Variants in PCDHA5 observed in about 807,000 individuals in gnomAD.
PCDHA5 encodes the protein protocadherin alpha-5.
Under a neutral mutation model 61.6 loss-of-function variants are expected in PCDHA5, and 43 were observed. The observed-to-expected ratio is 0.70, with a 90% CI of 0.55 to 0.90. The LOEUF (loss-of-function observed/expected upper bound fraction) is 0.90, where lower values mean the gene tolerates loss of function less well. Ranked by LOEUF, PCDHA5 falls within the 40% of genes least tolerant of loss-of-function variation. The pLI is 0.00. For missense variants in PCDHA5, 1,298 were observed against 1,222.7 expected, an observed-to-expected ratio of 1.06 and a Z score of -0.92; for synonymous variants, 627 against 543.9, an observed-to-expected ratio of 1.15 and a Z score of -2.13.
At chr5:140,914,501 C>T (rs1231907689) in intron 1 of PCDHA5, among the ~76,000 whole-genome samples, 1 of 152,084 alleles carries the variant, frequency 6.6e-6, no homozygotes, top group African/African-American at 2.4e-5. Context: ...GGCAACAGAT[C>T]ATTGGGTCAT....
At chr5:140,872,131 A>G (rs2053496652) in intron 1 of PCDHA5, among the ~76,000 whole-genome samples, 1 of 152,148 alleles carries the variant, frequency 6.6e-6, no homozygotes, top group African/African-American at 2.4e-5. Context: ...TATCAAAGCT[A>G]GAATACTCCA....
At chr5:140,836,551 G>A in intron 1 of PCDHA5, 1 of 1,613,756 alleles carries the variant, frequency 6.2e-7, no homozygotes, top group South Asian at 1.1e-5. Context: ...GCGTTGCGGT[G>A]CTCAGCGCCG....
intron 1 of PCDHA5, among the ~76,000 whole-genome samples, chr5:140,948,075 T>C (rs1554218432): frequency 1.3e-5 from 2 of 151,684 alleles, no homozygotes; most frequent in Non-Finnish European, 3.0e-5. Flanking sequence ...AATTTTCTTT[T>C]AATCTATTGA....
At chr5:140,824,160 C>T (rs1554129772) in intron 1 of PCDHA5, 33 bp downstream of exon 1, 4 of 1,611,272 alleles carry the variant, frequency 2.5e-6, no homozygotes, top group African/African-American at 2.7e-5. Context: ...CCATCTTTCC[C>T]TCCCAATTTT....
rs782644238 is a variant in PCDHA5 at position 140,883,107 on chromosome 5, C to A, written c.2352+58980C>A. ...GGTACAAATGGAGATATAGTTTACT[C>A]ATTTAGAAGGCCTGTATGGCCTGCA... On this transcript the variant is annotated intron_variant, in intron 1 of 3. Transcript: ENST00000529859. 15 of 1,614,064 alleles carry A rather than the reference C, an allele frequency of 9.3e-6. No homozygotes were observed. The East Asian group carries it at 3.1e-4, about 34-fold the overall frequency.
At chr5:140,840,004 G>A (rs1554137669) in intron 1 of PCDHA5, among the ~76,000 whole-genome samples, 1 of 152,062 alleles carries the variant, frequency 6.6e-6, no homozygotes, top group Non-Finnish European at 1.5e-5. Flanking sequence ...TTAGCACTGA[G>A]AAGATTGGCT....
chr5:140,991,317 T>C (rs2097444971), intron 3 of PCDHA5, among the ~76,000 whole-genome samples: 1 of 152,208 alleles, frequency 6.6e-6, no homozygotes, highest in Admixed American at 6.5e-5. Flanking sequence ...TCCCGCATGA[T>C]ACATGAAGGG....
intron 1 of PCDHA5, chr5:140,929,206 C>T (rs1554206828): frequency 2.5e-6 from 4 of 1,614,018 alleles, no homozygotes; most frequent in Non-Finnish European, 1.7e-6. Flanking sequence ...TTTGCTGTTG[C>T]GTGGGGAGTA....
Position 140,822,913 on chromosome 5 carries a change from G to A in PCDHA5, c.1138G>A (p.Ala380Thr), listed in dbSNP as rs2150120291. 6.2e-7 allele frequency: 1 copy of A among 1,614,254 alleles called. No homozygotes were observed. Among genetic ancestry groups the A allele is most frequent in the Non-Finnish European group, 8.5e-7 (1 of 1,180,048 alleles). The change falls in exon 1 of 4, where the codon GCC (alanine) becomes ACC (threonine). Residue 380 changes from alanine to threonine, a missense_variant. Coordinates refer to ENST00000529859, the MANE Select transcript of PCDHA5 (RefSeq NM_018908.3). ...CAGCGTGTCTGACCGTGACTCAGGT[G>A]CCAACGGGCAGGTGACCTGCTCCCT... ...LISVSDRDSG[A>T]NGQVTCSLMP...
In PCDHA5 at chr5:140,822,891, C is replaced by A. The variant is rs2150120140; in HGVS notation, c.1116C>A (p.Ser372Arg). The change falls in exon 1 of 4, where the codon AGC becomes AGA. Residue 372 changes from serine to arginine, a missense_variant. By Grantham distance (110) the Ser-to-Arg change is moderately radical. Coordinates refer to ENST00000529859, the MANE Select transcript of PCDHA5 (RefSeq NM_018908.3). The stretch of plus-strand genomic sequence containing the variant: ...TCAGCACGGTCATTGCTCTGATCAG[C>A]GTGTCTGACCGTGACTCAGGTGCCA... Reference protein sequence around the residue: ...APLSTVIALISVSDRDSGANG... With the variant: ...APLSTVIALIRVSDRDSGANG... 3 of 1,614,226 alleles carry A rather than the reference C, an allele frequency of 1.9e-6. No homozygotes were observed. Among genetic ancestry groups the A allele is most frequent in the Non-Finnish European group, 2.5e-6 (3 of 1,180,044 alleles).
intron 1 of PCDHA5, among the ~76,000 whole-genome samples, chr5:140,957,377 G>A (rs1001680224): frequency 3.3e-5 from 5 of 152,074 alleles, no homozygotes; most frequent in Admixed American, 2.0e-4. Context: ...TTATTATAGT[G>A]TATTGTTATA....
chr5:140,837,350 T>C (rs1318218282), intron 1 of PCDHA5, among the ~76,000 whole-genome samples: 1 of 152,032 alleles, frequency 6.6e-6, no homozygotes, highest in Non-Finnish European at 1.5e-5. Context: ...TAAAATAGTT[T>C]AAATGGCAGT....
intron 3 of PCDHA5, among the ~76,000 whole-genome samples, chr5:141,009,130 G>A (rs1395175038): frequency 2.0e-5 from 3 of 152,188 alleles, no homozygotes; most frequent in African/African-American, 7.2e-5. Flanking sequence ...TGGTATCCTG[G>A]TGAAAAAACC....
Position 141,009,697 on chromosome 5 carries a change from C to T in PCDHA5, c.2571C>T (p.Tyr857=), listed in dbSNP as rs1554262284. ...ACAGCAACAGCTGGACCTTTAAATA[C>T]GGACCAGGCAACCCCAAACAATCCG... ...GVNSNSWTFK[Y]GPGNPKQSGP... The change falls in exon 4 of 4, where the codon TAC becomes TAT. Residue 857 remains tyrosine (Y), a synonymous_variant. Coordinates refer to ENST00000529859, the MANE Select transcript of PCDHA5 (RefSeq NM_018908.3). 1.1e-5 allele frequency: 17 copies of T among 1,613,952 alleles called. No individual in the cohort carries two copies. The highest frequency in any genetic ancestry group is 1.1e-5 in the South Asian group (1 of 91,066).
chr5:140,936,000 C>G (rs370629183), intron 1 of PCDHA5, among the ~76,000 whole-genome samples: 1 of 150,536 alleles, frequency 6.6e-6, no homozygotes, highest in African/African-American at 2.4e-5. Flanking sequence ...TCAAGCGATT[C>G]TCCCACCTCA....
In PCDHA5 at chr5:140,884,485, A is replaced by G. The variant is rs781880810; in HGVS notation, c.2352+60358A>G. 8 of 1,613,726 alleles carry G rather than the reference A, an allele frequency of 5.0e-6. No homozygotes were observed. The South Asian group carries it at 6.6e-5, about 13-fold the overall frequency. Reference sequence around the variant, plus strand: ...CGTGCGCGCCGGGCAAGCCCACTCTAGTGTGCTCCAGCGCGGCAGGGAGTT... The same window carrying G: ...CGTGCGCGCCGGGCAAGCCCACTCTGGTGTGCTCCAGCGCGGCAGGGAGTT... On this transcript the variant is annotated intron_variant, in intron 1 of 3. Transcript: ENST00000529859.
intron 1 of PCDHA5, chr5:140,841,721 C>T (rs2150321568): frequency 1.2e-6 from 2 of 1,613,868 alleles, no homozygotes; most frequent in Non-Finnish European, 8.5e-7. Context: ...GCCAGTGTTC[C>T]GGGTAAAAGA....
intron 1 of PCDHA5, among the ~76,000 whole-genome samples, chr5:140,962,475 T>C (rs772721001): frequency 2.0e-5 from 3 of 152,232 alleles, no homozygotes; most frequent in Non-Finnish European, 4.4e-5. Context: ...TCTCTTTGTT[T>C]ATTCTAAGCA....
In PCDHA5 at chr5:140,857,556, T is replaced by C. The variant is rs781993692; in HGVS notation, c.2352+33429T>C. ...GAGCGGCGGTTGGGCGAGCGCTCGC[T>C]GTCGAGCTACGTGTCGGTGCACGCG... On this transcript the variant is annotated intron_variant, in intron 1 of 3. Coordinates refer to ENST00000529859, the MANE Select transcript of PCDHA5 (RefSeq NM_018908.3). 6 of 1,596,822 alleles carry C rather than the reference T, an allele frequency of 3.8e-6. No homozygotes were observed. In the Admixed American group the frequency reaches 1.0e-4, roughly 27 times the overall value.
Sources: gnomAD v4.1 joint callset for allele counts (sites outside exome capture counted in the v4.1 genomes callset) on GRCh38, gnomAD v4.1.1 for gene constraint, MANE v1.5 for transcripts, NCBI Gene and HGNC (gene_info 2026-07-23, HGNC 2026-07-21) for gene names.